INSL6: variants seen among roughly 807,000 people sequenced by gnomAD.
The protein encoded by INSL6 is insulin like 6, also known as insulin-like peptide INSL6.
Under a neutral mutation model 9.4 loss-of-function variants are expected in INSL6, and 16 were observed. The observed-to-expected ratio is 1.70, with a 90% CI of 1.15 to 2.59. The LOEUF is 2.59. Among genes scored for constraint, INSL6 ranks in the 30% most tolerant of loss-of-function variants. INSL6 has a pLI of 0.00. For missense variants in INSL6, 391 were observed against 257.3 expected (o/e 1.52, Z -3.56); for synonymous variants, 154 against 96.9 (o/e 1.59, Z -3.46).
At chr9:5,152,973 C>A (rs879493781) in intron 2 of INSL6, among the ~76,000 whole-genome samples, 1 of 152,124 alleles carries the variant, frequency 6.6e-6, no homozygotes, top group Non-Finnish European at 1.5e-5. Flanking sequence ...CCAAGTCAAG[C>A]GAAGCCATTA....
At chr9:5,007,674 A>G in the INSL6 span, among the ~76,000 whole-genome samples, 1 of 151,732 alleles carries the variant, frequency 6.6e-6, no homozygotes, top group Non-Finnish European at 1.5e-5. Context: ...AAAAACCACA[A>G]TTACTTTTGC....
At chr9:5,077,820 A>T in the INSL6 span, among the ~76,000 whole-genome samples, 3 of 152,204 alleles carry the variant, frequency 2.0e-5, no homozygotes, top group African/African-American at 7.2e-5. Context: ...GACAATCTGT[A>T]TGTTGTGTCT....
the INSL6 span, among the ~76,000 whole-genome samples, chr9:5,044,119 T>A: frequency 1.3e-5 from 2 of 152,258 alleles, no homozygotes; most frequent in Non-Finnish European, 2.9e-5. Context: ...GCTATGTTTT[T>A]AACTTTTTGT....
At chr9:5,020,611 A>C in the INSL6 span, among the ~76,000 whole-genome samples, 1 of 152,058 alleles carries the variant, frequency 6.6e-6, no homozygotes, top group Non-Finnish European at 1.5e-5. Context: ...AGATGTGATG[A>C]AGCTGTACTC....
chr9:5,023,233 C>A, the INSL6 span, among the ~76,000 whole-genome samples: 2 of 152,312 alleles, frequency 1.3e-5, no homozygotes, highest in African/African-American at 4.8e-5. Flanking sequence ...TTTTAGCTCC[C>A]ACATATGAAT....
chr9:4,998,364 C>G, the INSL6 span, among the ~76,000 whole-genome samples: 1 of 152,086 alleles, frequency 6.6e-6, no homozygotes, highest in Non-Finnish European at 1.5e-5. Flanking sequence ...TCAAGCAATT[C>G]TCCTACCTCA....
chr9:5,022,007 C>T, the INSL6 span: 29 of 1,613,574 alleles, frequency 1.8e-5, no homozygotes, highest in Admixed American at 3.3e-5. Flanking sequence ...GCCTGCCTTA[C>T]GATGACAGAA....
At chr9:5,055,132 A>C in the INSL6 span, among the ~76,000 whole-genome samples, 39 of 152,156 alleles carry the variant, frequency 2.6e-4, no homozygotes, top group South Asian at 1.0e-3. Context: ...AAAGATGTCA[A>C]ATTCTAAAAG....
At chr9:5,167,261 A>T (rs1304902130) in intron 1 of INSL6, among the ~76,000 whole-genome samples, 1 of 152,202 alleles carries the variant, frequency 6.6e-6, no homozygotes, top group African/African-American at 2.4e-5. Context: ...GGGGATCAGG[A>T]GGTCCCCTCA....
At chr9:5,097,463 A>G in the INSL6 span, 21 of 152,340 alleles carry the variant, frequency 1.4e-4, no homozygotes, top group Admixed American at 1.1e-3. Context: ...CCATTTGGGT[A>G]TATGGGCATA....
the INSL6 span, among the ~76,000 whole-genome samples, chr9:4,996,168 A>G: frequency 6.6e-6 from 1 of 152,200 alleles, no homozygotes; most frequent in South Asian, 2.1e-4. Context: ...ACAACTTATT[A>G]TTTTAGAGGG....
the INSL6 span, chr9:5,090,706 A>G: frequency 6.4e-7 from 1 of 1,560,664 alleles, no homozygotes; most frequent in Non-Finnish European, 8.6e-7. Flanking sequence ...TATATTTATA[A>G]AACTAGCTGA....
the INSL6 span, chr9:5,089,643 T>C: frequency 5.0e-6 from 6 of 1,200,216 alleles, no homozygotes; most frequent in African/African-American, 1.6e-5. Flanking sequence ...GAAAACTTGG[T>C]ATTTCCATCC....
the INSL6 span, chr9:5,100,232 C>G: frequency 6.6e-6 from 1 of 152,174 alleles, no homozygotes; most frequent in Non-Finnish European, 1.5e-5. Context: ...TATGACAACA[C>G]ATAATGACCC....
chr9:5,133,944 A>C (rs1824340529), intron 2 of INSL6, among the ~76,000 whole-genome samples: 1 of 150,478 alleles, frequency 6.6e-6, no homozygotes. Context: ...AGCTAAGAAC[A>C]CTGAAAAAAG....
chr9:5,067,536 A>G, the INSL6 span, among the ~76,000 whole-genome samples: 1 of 152,108 alleles, frequency 6.6e-6, no homozygotes, highest in Non-Finnish European at 1.5e-5. Context: ...GATTACTTAC[A>G]GAAGGGAGGT....
At chr9:5,094,370 A>G in the INSL6 span, 1 of 152,160 alleles carries the variant, frequency 6.6e-6, no homozygotes, top group Non-Finnish European at 1.5e-5. Flanking sequence ...ATTAATTTTA[A>G]TATAGGCCTC....
chr9:5,054,450 T>G, the INSL6 span: 1 of 817,874 alleles, frequency 1.2e-6, no homozygotes, highest in Non-Finnish European at 2.0e-6. This position sits in a 1 kb window ranked among gnomAD's most constrained non-coding sequence, Gnocchi z 4.9. Flanking sequence ...GGCCACTGTG[T>G]TGTAAGGCCT....
At chr9:5,115,083 C>T in the INSL6 span, among the ~76,000 whole-genome samples, 1 of 152,164 alleles carries the variant, frequency 6.6e-6, no homozygotes, top group Non-Finnish European at 1.5e-5. Context: ...TCTAATTAAA[C>T]TAAACAGCTG....
Sources: allele counts gnomAD v4.1 joint callset (sites outside exome capture counted in the v4.1 genomes callset), GRCh38; gene constraint gnomAD v4.1.1; non-coding constraint Gnocchi (gnomAD v3.1); transcripts MANE v1.5; gene names NCBI Gene and HGNC (gene_info 2026-07-23, HGNC 2026-07-21).